ZBTB49: variants seen among roughly 807,000 people sequenced by gnomAD.
ZBTB49 encodes zinc finger and BTB domain containing 49.
Under a neutral mutation model 57.5 loss-of-function variants are expected in ZBTB49, and 43 were observed. The observed-to-expected ratio is 0.75, with a 90% CI of 0.59 to 0.97. The LOEUF (loss-of-function observed/expected upper bound fraction) is 0.97. ZBTB49 is among the 50% of genes least tolerant of loss of function. The pLI, the probability that ZBTB49 is intolerant of heterozygous loss-of-function variation, is 0.00. For synonymous variants in ZBTB49, 369 were observed against 362.1 expected (o/e 1.02, Z -0.22); for missense variants, 938 against 947.7 (o/e 0.99, Z 0.13).
In ZBTB49 at chr4:4,315,739, ATTC is replaced by A. The variant is rs148555592; in HGVS notation, c.1459+27_1459+29del. 0.031 allele frequency: 50,537 copies of A among 1,613,910 alleles called. 4,991 individuals carry two copies. In the East Asian group the frequency reaches 0.34, roughly 11 times the overall value. On this transcript the variant is annotated intron_variant, in intron 6 of 7. Coordinates refer to ENST00000337872, the MANE Select transcript of ZBTB49 (RefSeq NM_145291.4). Reference sequence around the variant, plus strand: ...TCGAGGTACAGCTGAGTGTTTTCCTATTCTTCTTGAAGATTTCTGATTAAAATG... The same window carrying A: ...TCGAGGTACAGCTGAGTGTTTTCCTATTCTTGAAGATTTCTGATTAAAATG...
rs749793100 is a variant in ZBTB49 at position 4,315,628 on chromosome 4, C to T, written c.1377-8C>T. On this transcript the variant is annotated splice_polypyrimidine_tract_variant and splice_region_variant and intron_variant, in intron 5 of 7. Transcript: ENST00000337872. Reference sequence around the variant, plus strand: ...GGCTCTTAATTGAATTTTCAAATTACATTCTAGGTTTGCAGCCTCTGGCGA... The same window carrying T: ...GGCTCTTAATTGAATTTTCAAATTATATTCTAGGTTTGCAGCCTCTGGCGA... 7 of 1,613,690 alleles carry T rather than the reference C, an allele frequency of 4.3e-6. No individual in the cohort carries two copies. Among genetic ancestry groups the T allele is most frequent in the Non-Finnish European group, 5.9e-6 (7 of 1,179,770 alleles).
At chr4:4,306,068 C>A in intron 3 of ZBTB49, 70 bp from the exon 4 acceptor site, 1 of 1,385,860 alleles carries the variant, frequency 7.2e-7, no homozygotes, top group South Asian at 1.2e-5. Flanking sequence ...CATAGGAGGT[C>A]ATTTAAACAA....
At position 4,302,936 on chromosome 4, in the gene ZBTB49, T is replaced by C. The variant is rs1474965699; in HGVS notation, c.1100T>C (p.Phe367Ser). ...GAAGAAGTCGTCAGTTGTGAGAATT[T>C]TAATTGCATTAGTGAGACGGAGAGG... ...ESEEVVSCEN[F>S]NCISETERPE... The change falls in exon 3 of 8, where the codon TTT (phenylalanine) becomes TCT (serine). Residue 367 changes from phenylalanine to serine, a missense_variant. Transcript: ENST00000337872. 1.2e-6 allele frequency: 2 copies of C among 1,614,242 alleles called. No individual in the cohort carries two copies. The highest frequency in any genetic ancestry group is 1.7e-6 in the Non-Finnish European group (2 of 1,180,046).
chr4:4,318,892 A>AT (rs1553807733), intron 7 of ZBTB49, among the ~76,000 whole-genome samples: 6 of 78,974 alleles, frequency 7.6e-5, no homozygotes, highest in African/African-American at 1.5e-4. Flanking sequence ...GTTTTTTTTA[A>AT]TCTTTTTTTT....
intron 4 of ZBTB49, among the ~76,000 whole-genome samples, chr4:4,308,275 C>T (rs1023673142): frequency 9.9e-5 from 15 of 152,244 alleles, no homozygotes; most frequent in African/African-American, 3.4e-4. Context: ...GATGGGGTTT[C>T]ACCATGTTGG....
intron 7 of ZBTB49, 28 bp downstream of exon 7, chr4:4,315,998 A>T (rs201786475): frequency 3.7e-6 from 6 of 1,610,616 alleles, no homozygotes; most frequent in Non-Finnish European, 5.1e-6. Flanking sequence ...GCTGTCCCCT[A>T]GTCATCTGTG....
Position 4,315,829 on chromosome 4 carries a change from T to G in ZBTB49, c.1480T>G (p.Leu494Val). 6.2e-7 allele frequency: 1 copy of G among 1,614,216 alleles called. No individual in the cohort carries two copies. ...CGRGFSNFSN[L>V]KEHKKTHTAD... Reference sequence around the variant, plus strand: ...TCTAGGGTTTAGTAACTTCAGTAATTTGAAGGAGCACAAAAAGACACACAC... The same window carrying G: ...TCTAGGGTTTAGTAACTTCAGTAATGTGAAGGAGCACAAAAAGACACACAC... The change falls in exon 7 of 8, where the codon TTG (leucine) becomes GTG (valine). Residue 494 changes from leucine to valine, a missense_variant. Transcript: ENST00000337872.
rs891120041 is a variant in ZBTB49 at position 4,307,179 on chromosome 4, C to T, written c.1302+995C>T. 5.9e-5 allele frequency among the ~76,000 whole-genome samples: 9 copies of T among 152,264 alleles called. No individual in the cohort carries two copies. The South Asian group carries it at 6.2e-4, about 10-fold the overall frequency. ...TCCTCGCCGTCTCTCATCGCGTACT[C>T]GGTCGGGTCATGTCCTCCTGAGCAC... On this transcript the variant is annotated intron_variant, in intron 4 of 7. Transcript: ENST00000337872.
intron 3 of ZBTB49, among the ~76,000 whole-genome samples, chr4:4,303,760 CTGTGTG>C (rs1553805028): frequency 9.1e-5 from 11 of 121,404 alleles, no homozygotes; most frequent in African/African-American, 2.0e-4. Context: ...CTCTCTCTCT[CTGTGTG>C]TGTGTCTCTC....
In ZBTB49 at chr4:4,315,934, C is replaced by T; in HGVS notation, c.1585C>T (p.His529Tyr). Residue 529 changes from histidine (H) to tyrosine (Y), a missense_variant, in exon 7 of 8, where the codon CAC becomes TAC. His to Tyr is a moderately conservative substitution (Grantham distance 83). Coordinates refer to ENST00000337872, the MANE Select transcript of ZBTB49 (RefSeq NM_145291.4). ...QRKLVKHRIRHTGERPYSCSA... is the reference protein window; with the variant it reads ...QRKLVKHRIRYTGERPYSCSA... ...GAAGTTAGTAAAGCACAGAATTCGGCACACGGGGGAGCGGCCTTACAGCTG... is the reference window on the plus strand; with the variant it reads ...GAAGTTAGTAAAGCACAGAATTCGGTACACGGGGGAGCGGCCTTACAGCTG... 1.2e-6 allele frequency: 2 copies of T among 1,614,088 alleles called. No individual in the cohort carries two copies. Among genetic ancestry groups the T allele is most frequent in the Non-Finnish European group, 1.7e-6 (2 of 1,180,028 alleles).
At chr4:4,314,787 G>C (rs976386746) in intron 5 of ZBTB49, among the ~76,000 whole-genome samples, 2 of 152,270 alleles carry the variant, frequency 1.3e-5, no homozygotes, top group Admixed American at 1.3e-4. Context: ...GAGGGCTTGG[G>C]TTGGAATTAT....
At chr4:4,316,034 C>T in intron 7 of ZBTB49, 64 bp downstream of exon 7, 1 of 1,581,566 alleles carries the variant, frequency 6.3e-7, no homozygotes, top group South Asian at 1.2e-5. Flanking sequence ...GTCCCCCAGC[C>T]CTCATTAGCT....
intron 2 of ZBTB49, 143 bp downstream of exon 2, chr4:4,300,240 T>G (rs73195806): frequency 0.43 from 406,093 of 943,880 alleles, 94,815 homozygotes; most frequent in Middle Eastern, 0.51. Context: ...TTGTTTTAAT[T>G]TTTAAGTTTG....
chr4:4,292,987 A>T (rs940257800), intron 1 of ZBTB49, among the ~76,000 whole-genome samples: 1 of 152,080 alleles, frequency 6.6e-6, no homozygotes, highest in Non-Finnish European at 1.5e-5. Flanking sequence ...CATTCATACC[A>T]TCTTTCCACC....
At chr4:4,294,420 A>G (rs1361120696) in intron 1 of ZBTB49, among the ~76,000 whole-genome samples, 1 of 152,134 alleles carries the variant, frequency 6.6e-6, no homozygotes, top group Non-Finnish European at 1.5e-5. Context: ...GCAGTGGTGC[A>G]ATCTCGGCTC....
intron 3 of ZBTB49, among the ~76,000 whole-genome samples, chr4:4,305,438 T>C (rs1017690061): frequency 6.6e-6 from 1 of 152,224 alleles, no homozygotes; most frequent in Non-Finnish European, 1.5e-5. Flanking sequence ...GGCAGTACCA[T>C]GGAGTGTGCT....
chr4:4,307,011 G>A (rs1430210062), intron 4 of ZBTB49, among the ~76,000 whole-genome samples: 2 of 152,210 alleles, frequency 1.3e-5, no homozygotes, highest in Admixed American at 6.5e-5. Context: ...GTGTTTGCTC[G>A]CATTCCCCCT....
chr4:4,314,499 G>A (rs989893001), intron 5 of ZBTB49, among the ~76,000 whole-genome samples: 11 of 152,192 alleles, frequency 7.2e-5, no homozygotes, highest in African/African-American at 2.7e-4. Context: ...TGCCTCCCAA[G>A]TAGCTGGGAT....
chr4:4,309,592 G>A (rs573625477), intron 4 of ZBTB49, among the ~76,000 whole-genome samples: 2 of 152,336 alleles, frequency 1.3e-5, no homozygotes, highest in Admixed American at 1.3e-4. Context: ...ACAGAGAGAC[G>A]GGTTTTGAGA....
Sources: gnomAD v4.1 joint callset for allele counts (sites outside exome capture counted in the v4.1 genomes callset) on GRCh38, gnomAD v4.1.1 for gene constraint, MANE v1.5 for transcripts, NCBI Gene and HGNC (gene_info 2026-07-23, HGNC 2026-07-21) for gene names.